The following FAM228B variants were observed in gnomAD, a reference collection of about 807,000 sequenced individuals.
The protein encoded by FAM228B is family with sequence similarity 228 member B, also known as protein FAM228B.
A neutral mutation model predicts 42.6 loss-of-function variants in FAM228B; 38 were observed. That is an observed-to-expected ratio of 0.89 (90% CI 0.69 to 1.17). The LOEUF (loss-of-function observed/expected upper bound fraction) is 1.17. Among genes scored for constraint, FAM228B ranks in the 50% most tolerant of loss-of-function variants. FAM228B has a pLI of 0.00. For synonymous variants in FAM228B, 109 were observed against 122.3 expected, an observed-to-expected ratio of 0.89 and a Z score of 0.72; for missense variants, 344 against 367.3, an observed-to-expected ratio of 0.94 and a Z score of 0.52.
intron 5 of FAM228B, among the ~76,000 whole-genome samples, chr2:24,140,527 T>C (rs1176919300): frequency 6.6e-6 from 1 of 152,148 alleles, no homozygotes; most frequent in Non-Finnish European, 1.5e-5. Flanking sequence ...GTGGAATGAC[T>C]AAACCAATTA....
At chr2:24,094,029 CTTTTTTTTTT>C (rs57620033) in intron 2 of FAM228B, among the ~76,000 whole-genome samples, 40 of 77,392 alleles carry the variant, frequency 5.2e-4, no homozygotes, top group African/African-American at 1.7e-3. Flanking sequence ...TCGCCACATA[CTTTTTTTTTT>C]TTTTTTTTTT....
Position 24,161,487 on chromosome 2 carries a change from A to G in FAM228B, c.687-19A>G, listed in dbSNP as rs1229153212. ...AAAAAGAACAAAAAAACCTTCTCAC[A>G]CTTGTTATCTTGTTAAAGGTTAAAG... On this transcript the variant is annotated intron_variant, in intron 7 of 10. Transcript: ENST00000615575. 2 of 1,377,550 alleles carry G rather than the reference A, an allele frequency of 1.5e-6. No individual in the cohort carries two copies. The highest frequency in any genetic ancestry group is 2.9e-5 in the African/African-American group (2 of 69,522). The allele number at this position is 1,377,550 out of a possible 1,614,324, so 85.3% of individuals were successfully genotyped here. A position where few individuals can be genotyped will look rare whatever the true frequency, so the allele number is the denominator to read the frequency against.
intron 2 of FAM228B, among the ~76,000 whole-genome samples, chr2:24,088,691 C>T (rs1026673506): frequency 6.6e-6 from 1 of 152,154 alleles, no homozygotes; most frequent in African/African-American, 2.4e-5. Context: ...GTAAGTGTTT[C>T]CCTGAGTTTT....
chr2:24,107,414 C>T (rs80186651), intron 3 of FAM228B, among the ~76,000 whole-genome samples: 3 of 152,184 alleles, frequency 2.0e-5, no homozygotes, highest in East Asian at 3.8e-4. Flanking sequence ...GAACTGAACA[C>T]TTGACCAAAG....
intron 3 of FAM228B, among the ~76,000 whole-genome samples, chr2:24,103,092 T>C (rs1665637643): frequency 6.6e-6 from 1 of 152,230 alleles, no homozygotes; most frequent in South Asian, 2.1e-4. Flanking sequence ...TCACATATGA[T>C]GCATTTTTGA....
intron 3 of FAM228B, among the ~76,000 whole-genome samples, chr2:24,099,836 G>T (rs868233969): frequency 6.6e-6 from 1 of 152,148 alleles, no homozygotes; most frequent in Non-Finnish European, 1.5e-5. Flanking sequence ...AAAGAACAAA[G>T]CTGGAGGCAT....
intron 3 of FAM228B, chr2:24,097,064 C>T (rs1665511348): frequency 6.6e-6 from 1 of 152,092 alleles, no homozygotes; most frequent in African/African-American, 2.4e-5. Flanking sequence ...CCTTTACAGA[C>T]AAGCAAATGC....
intron 3 of FAM228B, among the ~76,000 whole-genome samples, chr2:24,114,902 G>A (rs1665864996): frequency 6.6e-6 from 1 of 152,178 alleles, no homozygotes; most frequent in East Asian, 1.9e-4. Flanking sequence ...TAGGGTTAGA[G>A]TCAGAAATCT....
chr2:24,122,504 G>T, upstream of FAM228B: 1 of 1,614,064 alleles, frequency 6.2e-7, no homozygotes, highest in Non-Finnish European at 8.5e-7. Context: ...TCCCAAGAGG[G>T]TGTCTAACAA....
intron 3 of FAM228B, among the ~76,000 whole-genome samples, chr2:24,108,259 C>G (rs1240684121): frequency 6.6e-6 from 1 of 152,020 alleles, no homozygotes; most frequent in Non-Finnish European, 1.5e-5. Flanking sequence ...ATAATGAGTT[C>G]TGAAATTGAA....
chr2:24,129,193 C>T (rs148714327), intron 2 of FAM228B, among the ~76,000 whole-genome samples: 17 of 152,302 alleles, frequency 1.1e-4, no homozygotes, highest in African/African-American at 4.1e-4. Context: ...CTCCCATCCC[C>T]ACTCCTCAAT....
chr2:24,120,622 C>T (rs1666081470), upstream of FAM228B, among the ~76,000 whole-genome samples: 1 of 152,050 alleles, frequency 6.6e-6, no homozygotes, highest in Admixed American at 6.5e-5. Context: ...ATGGCACGAT[C>T]TCGGCTCACT....
At chr2:24,119,706 A>G (rs377345779), upstream of FAM228B, 950 of 1,573,934 alleles carry the variant, frequency 6.0e-4, 2 homozygotes, top group Non-Finnish European at 7.9e-4. Flanking sequence ...ATAAGAGAAT[A>G]TTCTGCTCTT....
chr2:24,113,141 C>T (rs1189165410), intron 3 of FAM228B, among the ~76,000 whole-genome samples: 2 of 152,154 alleles, frequency 1.3e-5, no homozygotes, highest in Non-Finnish European at 2.9e-5. Context: ...TGTATCATTA[C>T]TACCTAGCAC....
intron 7 of FAM228B, 64 bp downstream of exon 7, chr2:24,147,150 T>G (rs934388019): frequency 8.9e-7 from 1 of 1,126,314 alleles, no homozygotes; most frequent in Non-Finnish European, 1.2e-6. Flanking sequence ...CAGACTGATA[T>G]AACATTTTTC....
Position 24,084,518 on chromosome 2 carries a change from C to T in FAM228B, c.-210+3563C>T, listed in dbSNP as rs1665174712. On this transcript the variant is annotated intron_variant, in intron 2 of 10. Coordinates refer to the FAM228B transcript ENST00000613899. This position sits in a 1 kb window ranked among gnomAD's most constrained non-coding sequence, Gnocchi z 8.4. ...TGCCCTGGTCTGCCGCGGACCCGGC[C>T]TCCGCCCCGAGCTCCTGCCTGGGAA... 1.4e-6 allele frequency: 1 copy of T among 737,362 alleles called. No homozygotes were observed. Among genetic ancestry groups the T allele is most frequent in the East Asian group, 3.2e-5 (1 of 31,172 alleles). 45.7% of individuals were successfully genotyped at this position (737,362 alleles called of 1,614,324 possible). A position where few individuals can be genotyped will look rare whatever the true frequency, so the allele number is the denominator to read the frequency against.
intron 2 of FAM228B, among the ~76,000 whole-genome samples, chr2:24,092,924 G>GCACA (rs3030954): frequency 0.31 from 41,582 of 133,194 alleles, 7,411 homozygotes; most frequent in Admixed American, 0.43. Flanking sequence ...ATGATTTTAT[G>GCACA]CACACACACA....
chr2:24,079,286 T>C, intron 1 of FAM228B: 2 of 690,718 alleles, frequency 2.9e-6, no homozygotes, highest in Non-Finnish European at 2.4e-6. Flanking sequence ...CTGAATCAGT[T>C]CTCTGAAATC....
At chr2:24,086,852 A>C (rs996351692) in intron 2 of FAM228B, among the ~76,000 whole-genome samples, 2 of 152,174 alleles carry the variant, frequency 1.3e-5, no homozygotes, top group Non-Finnish European at 2.9e-5. Context: ...AATCGAGGAA[A>C]GGTTTGAACC....
Sources: gnomAD v4.1 joint callset for allele counts (sites outside exome capture counted in the v4.1 genomes callset) on GRCh38, gnomAD v4.1.1 for gene constraint, Gnocchi (gnomAD v3.1) non-coding constraint, MANE v1.5 for transcripts, NCBI Gene and HGNC (gene_info 2026-07-23, HGNC 2026-07-21) for gene names.